Variants in CACNA2D3 observed in about 807,000 individuals in gnomAD.
CACNA2D3 encodes voltage-dependent calcium channel subunit alpha-2/delta-3.
A neutral mutation model predicts 160.6 loss-of-function variants in CACNA2D3; 60 were observed. The ratio of observed to expected loss-of-function variants is 0.37; its 90% CI spans 0.30 to 0.46. The LOEUF (loss-of-function observed/expected upper bound fraction) is 0.46. CACNA2D3 is among the 20% of genes least tolerant of loss of function. The pLI is 1.00. For missense variants in CACNA2D3, 1,205 were observed against 1,365.0 expected (o/e 0.88, Z 1.85); for synonymous variants, 558 against 492.9 (o/e 1.13, Z -1.75).
intron 14 of CACNA2D3, among the ~76,000 whole-genome samples, chr3:54,827,966 G>T (rs1488065197): frequency 6.6e-6 from 1 of 152,212 alleles, no homozygotes; most frequent in Non-Finnish European, 1.5e-5. Flanking sequence ...ACAGTGTTCA[G>T]TGACTTTGCT....
At chr3:54,451,516 A>C (rs1258060781) in intron 4 of CACNA2D3, among the ~76,000 whole-genome samples, 2 of 152,074 alleles carry the variant, frequency 1.3e-5, no homozygotes, top group Non-Finnish European at 2.9e-5. Flanking sequence ...GGATAATCCC[A>C]TCTCTATTCC....
At chr3:54,405,387 A>G (rs1424957174) in intron 4 of CACNA2D3, among the ~76,000 whole-genome samples, 1 of 152,088 alleles carries the variant, frequency 6.6e-6, no homozygotes, top group Admixed American at 6.6e-5. Context: ...AGACTTGTAG[A>G]ATAGGATAGA....
At chr3:54,952,805 A>G (rs1395863955) in intron 27 of CACNA2D3, among the ~76,000 whole-genome samples, 1 of 152,116 alleles carries the variant, frequency 6.6e-6, no homozygotes, top group Admixed American at 6.5e-5. Flanking sequence ...GGACAATGAC[A>G]ATATCTATCT....
At chr3:54,405,322 AT>A (rs1699555721) in intron 4 of CACNA2D3, among the ~76,000 whole-genome samples, 1 of 151,394 alleles carries the variant, frequency 6.6e-6, no homozygotes, top group Admixed American at 6.6e-5. Flanking sequence ...TGTTAAAATT[AT>A]ATTACGAAGC....
intron 4 of CACNA2D3, among the ~76,000 whole-genome samples, chr3:54,391,429 A>G (rs1022733594): frequency 1.2e-4 from 18 of 152,180 alleles, no homozygotes; most frequent in African/African-American, 4.3e-4. Flanking sequence ...GCATGTGTGA[A>G]CAAACCAAAA....
intron 14 of CACNA2D3, among the ~76,000 whole-genome samples, chr3:54,830,970 A>G (rs1340638350): frequency 6.6e-6 from 1 of 152,196 alleles, no homozygotes; most frequent in African/African-American, 2.4e-5. Flanking sequence ...AGTTATACAC[A>G]CACATATAAA....
chr3:54,781,632 C>T (rs1472501515), intron 13 of CACNA2D3, among the ~76,000 whole-genome samples: 5 of 152,166 alleles, frequency 3.3e-5, no homozygotes, highest in African/African-American at 1.2e-4. Context: ...CAATCCAAGC[C>T]AATTCGGTAA....
intron 4 of CACNA2D3, among the ~76,000 whole-genome samples, chr3:54,453,203 T>C (rs1700338901): frequency 6.6e-6 from 1 of 152,116 alleles, no homozygotes; most frequent in Admixed American, 6.6e-5. Context: ...GTGTTGTCCA[T>C]GCTAGCCTTG....
intron 13 of CACNA2D3, among the ~76,000 whole-genome samples, chr3:54,769,152 T>C (rs568871552): frequency 6.6e-6 from 1 of 152,216 alleles, no homozygotes; most frequent in South Asian, 2.1e-4. Flanking sequence ...AGGGTTCACA[T>C]GGTGAACTCA....
intron 10 of CACNA2D3, among the ~76,000 whole-genome samples, chr3:54,641,224 A>T (rs1353079124): frequency 2.0e-5 from 3 of 152,238 alleles, no homozygotes; most frequent in African/African-American, 7.2e-5. Flanking sequence ...CAAAGACATA[A>T]TACATGTAAG....
intron 4 of CACNA2D3, among the ~76,000 whole-genome samples, chr3:54,438,543 A>T (rs191227177): frequency 1.1e-3 from 165 of 152,336 alleles, no homozygotes; most frequent in African/African-American, 3.9e-3. Context: ...AGTGTAATTA[A>T]TGCACATTTC....
At chr3:54,838,491 T>A in intron 15 of CACNA2D3, 77 bp from the exon 16 acceptor site, 1 of 1,150,550 alleles carries the variant, frequency 8.7e-7, no homozygotes, top group South Asian at 1.2e-5. Flanking sequence ...GCAGACGGTA[T>A]GTGACTTCTC....
At chr3:54,751,183 G>C (rs1478480865) in intron 11 of CACNA2D3, among the ~76,000 whole-genome samples, 1 of 152,118 alleles carries the variant, frequency 6.6e-6, no homozygotes, top group Admixed American at 6.5e-5. Context: ...GGAATGGTGT[G>C]GAGAAGAGCC....
At chr3:54,915,320 T>G (rs940173141) in intron 27 of CACNA2D3, among the ~76,000 whole-genome samples, 1 of 152,304 alleles carries the variant, frequency 6.6e-6, no homozygotes, top group South Asian at 2.1e-4. Context: ...CTACAATATC[T>G]GTGAATTTAT....
intron 35 of CACNA2D3, among the ~76,000 whole-genome samples, chr3:55,023,899 T>C (rs576936377): frequency 6.6e-6 from 1 of 150,746 alleles, no homozygotes; most frequent in African/African-American, 2.4e-5. Context: ...ATCCATTTTT[T>C]ACACTTAGCA....
At chr3:54,194,793 T>C (rs1701049223) in intron 2 of CACNA2D3, among the ~76,000 whole-genome samples, 1 of 152,076 alleles carries the variant, frequency 6.6e-6, no homozygotes, top group Non-Finnish European at 1.5e-5. Flanking sequence ...TTATAAGGGC[T>C]CTCATCCCAT....
chr3:55,046,090 T>C (rs1012408905), intron 35 of CACNA2D3, among the ~76,000 whole-genome samples: 1 of 106,196 alleles, frequency 9.4e-6, no homozygotes, highest in Non-Finnish European at 2.1e-5. Flanking sequence ...ATGTTACACT[T>C]TTTTTTTTAA....
At chr3:54,989,681 T>C (rs555702092) in intron 31 of CACNA2D3, among the ~76,000 whole-genome samples, 36 of 152,340 alleles carry the variant, frequency 2.4e-4, no homozygotes, top group Non-Finnish European at 4.6e-4. Flanking sequence ...AGTGAGATCA[T>C]AGTAAGCATA....
chr3:54,141,706 C>T (rs1699939134), intron 2 of CACNA2D3, among the ~76,000 whole-genome samples: 2 of 152,142 alleles, frequency 1.3e-5, no homozygotes, highest in Admixed American at 1.3e-4. Context: ...CATTCTTTTT[C>T]CATTTCTCCA....
Sources: allele counts gnomAD v4.1 joint callset (sites outside exome capture counted in the v4.1 genomes callset), GRCh38; gene constraint gnomAD v4.1.1; transcripts MANE v1.5; gene names NCBI Gene and HGNC (gene_info 2026-07-23, HGNC 2026-07-21).